TTLL1: variants seen among roughly 807,000 people sequenced by gnomAD.
TTLL1 encodes TTL family tubulin polyglutamylase complex subunit L1.
Under a neutral mutation model 47.8 loss-of-function variants are expected in TTLL1, and 33 were observed. The observed-to-expected ratio is 0.69, with a 90% CI of 0.52 to 0.92. The LOEUF (loss-of-function observed/expected upper bound fraction) is 0.92, where lower values mean the gene tolerates loss of function less well. TTLL1 is among the 40% of genes least tolerant of loss of function. The pLI is 0.00. For missense variants in TTLL1, 488 were observed against 547.5 expected, an observed-to-expected ratio of 0.89 and a Z score of 1.08; for synonymous variants, 225 against 214.1, an observed-to-expected ratio of 1.05 and a Z score of -0.45.
Position 43,039,686 on chromosome 22 carries a change from G to GA in TTLL1, c.*89dup. ...CGTTTATTTACAGGGCTTAGGAAAG[G>GA]AAAAAAGCTCTACAAAAGGGAAATT... On this transcript the variant is annotated 3_prime_UTR_variant, in exon 11 of 11. Coordinates refer to ENST00000266254, the MANE Select transcript of TTLL1 (RefSeq NM_012263.5). 7 of 1,458,182 alleles carry GA rather than the reference G, an allele frequency of 4.8e-6. No individual in the cohort carries two copies. The highest frequency in any genetic ancestry group is 1.4e-5 in the African/African-American group (1 of 69,942). 90.3% of individuals were successfully genotyped at this position (1,458,182 alleles called of 1,614,324 possible).
At chr22:43,061,214 T>C (rs1288205905) in intron 7 of TTLL1, among the ~76,000 whole-genome samples, 1 of 151,732 alleles carries the variant, frequency 6.6e-6, no homozygotes. Context: ...CATAAATACA[T>C]AAATAAAAAA....
intron 9 of TTLL1, among the ~76,000 whole-genome samples, chr22:43,048,891 C>T (rs1227531958): frequency 2.0e-5 from 3 of 150,676 alleles, no homozygotes; most frequent in African/African-American, 7.3e-5. Flanking sequence ...GAGCCGAGGT[C>T]GTGCCACTGC....
chr22:43,049,022 T>A (rs1312236309), intron 9 of TTLL1, among the ~76,000 whole-genome samples: 1 of 151,936 alleles, frequency 6.6e-6, no homozygotes, highest in Non-Finnish European at 1.5e-5. Flanking sequence ...AAAAACTCCG[T>A]ATTGAATACT....
chr22:43,073,847 A>G (rs1240490863), intron 3 of TTLL1, among the ~76,000 whole-genome samples: 4 of 150,256 alleles, frequency 2.7e-5, no homozygotes, highest in Non-Finnish European at 4.4e-5. Flanking sequence ...TTTTTGAGAC[A>G]GAGTCTCACT....
At chr22:43,050,856 A>G (rs1006142794) in intron 9 of TTLL1, among the ~76,000 whole-genome samples, 8 of 152,174 alleles carry the variant, frequency 5.3e-5, no homozygotes, top group African/African-American at 1.9e-4. Context: ...AGGACAAGAA[A>G]GTACAAACAC....
At chr22:43,049,791 GAA>G (rs60752792) in intron 9 of TTLL1, among the ~76,000 whole-genome samples, 14 of 143,254 alleles carry the variant, frequency 9.8e-5, no homozygotes, top group Admixed American at 2.1e-4. Flanking sequence ...AAAAAGAAAA[GAA>G]AAAAAAAAAA....
chr22:43,047,716 G>A (rs113512038), intron 9 of TTLL1, among the ~76,000 whole-genome samples: 16,110 of 151,992 alleles, frequency 0.11, 1,513 homozygotes, highest in East Asian at 0.3. Context: ...GGTTCTGCCC[G>A]CCTCGGCCTC....
At chr22:43,080,901 A>ATTTTTTTTT (rs1928831828) in intron 1 of TTLL1, among the ~76,000 whole-genome samples, 1 of 46,192 alleles carries the variant, frequency 2.2e-5, no homozygotes, top group Non-Finnish European at 5.0e-5. Context: ...GTGTTGCATG[A>ATTTTTTTTT]CTTTTTTTTT....
chr22:43,044,659 G>A (rs1925961152), intron 10 of TTLL1, among the ~76,000 whole-genome samples: 1 of 152,120 alleles, frequency 6.6e-6, no homozygotes, highest in African/African-American at 2.4e-5. Context: ...CCACTCGACT[G>A]CAGTATCGAT....
chr22:43,076,474 G>A lies in TTLL1; in HGVS notation c.-4-884C>T, dbSNP rs1011331399. Among the ~76,000 whole-genome samples, 8 of 150,658 alleles carry A rather than the reference G, an allele frequency of 5.3e-5. No homozygotes were observed. The East Asian group carries it at 5.9e-4, about 11-fold the overall frequency. Reference sequence around the variant, plus strand: ...CCATCGCAAAAAATAAAAATAGGCCGGGCGCGGTGGCTCACGCCTGTAATC... The same window carrying A: ...CCATCGCAAAAAATAAAAATAGGCCAGGCGCGGTGGCTCACGCCTGTAATC... On this transcript the variant is annotated intron_variant, in intron 2 of 10. Transcript: ENST00000266254.
At chr22:43,045,689 G>A (rs1159762868) in intron 10 of TTLL1, among the ~76,000 whole-genome samples, 2 of 151,866 alleles carry the variant, frequency 1.3e-5, no homozygotes, top group African/African-American at 2.4e-5. Flanking sequence ...AGCTCTATGC[G>A]GCAAAGCCAG....
chr22:43,080,632 C>A (rs975936409), intron 1 of TTLL1, among the ~76,000 whole-genome samples: 1 of 152,082 alleles, frequency 6.6e-6, no homozygotes, highest in Non-Finnish European at 1.5e-5. Flanking sequence ...GCACCCTGTG[C>A]CCCACCTGGA....
At chr22:43,083,555 C>T (rs924989425) in intron 1 of TTLL1, among the ~76,000 whole-genome samples, 6 of 152,088 alleles carry the variant, frequency 3.9e-5, no homozygotes, top group Admixed American at 2.6e-4. Flanking sequence ...CAACAGAAAC[C>T]CCGTCTCTAC....
intron 1 of TTLL1, among the ~76,000 whole-genome samples, chr22:43,088,868 T>C (rs1045765077): frequency 6.6e-6 from 1 of 152,132 alleles, no homozygotes; most frequent in African/African-American, 2.4e-5. Context: ...AATGTCTTGG[T>C]CCAGTCATCT....
At chr22:43,074,580 C>A (rs1344327133) in intron 3 of TTLL1, among the ~76,000 whole-genome samples, 2 of 152,124 alleles carry the variant, frequency 1.3e-5, no homozygotes, top group Admixed American at 1.3e-4. Flanking sequence ...GTGGCTCACG[C>A]CTGTAATCCC....
At chr22:43,044,056 C>T (rs1207820408) in intron 10 of TTLL1, among the ~76,000 whole-genome samples, 2 of 152,136 alleles carry the variant, frequency 1.3e-5, no homozygotes, top group Non-Finnish European at 2.9e-5. Flanking sequence ...CCCTTCTCCT[C>T]CCAGCCCACT....
chr22:43,087,185 T>C (rs1260397713), intron 1 of TTLL1, among the ~76,000 whole-genome samples: 1 of 152,212 alleles, frequency 6.6e-6, no homozygotes, highest in Admixed American at 6.6e-5. Flanking sequence ...ATTTTCTCCA[T>C]GGCACTTGGG....
chr22:43,081,058 G>A (rs1484222471), intron 1 of TTLL1, among the ~76,000 whole-genome samples: 7 of 151,654 alleles, frequency 4.6e-5, no homozygotes, highest in Non-Finnish European at 4.4e-5. Context: ...TGGGATTACA[G>A]GAGCCCATCA....
At chr22:43,056,726 T>C (rs774860699) in intron 8 of TTLL1, among the ~76,000 whole-genome samples, 38 of 151,120 alleles carry the variant, frequency 2.5e-4, no homozygotes, top group Non-Finnish European at 4.0e-4. Context: ...TGGAGGTTGC[T>C]AGGAGCCAAG....
Sources: allele counts gnomAD v4.1 joint callset (sites outside exome capture counted in the v4.1 genomes callset), GRCh38; gene constraint gnomAD v4.1.1; transcripts MANE v1.5; gene names NCBI Gene and HGNC (gene_info 2026-07-23, HGNC 2026-07-21).